The following CTNNA1 variants were observed in gnomAD, a reference collection of about 807,000 sequenced individuals.
CTNNA1 encodes catenin alpha 1.
A neutral mutation model predicts 98.4 loss-of-function variants in CTNNA1; 37 were observed. The ratio of observed to expected loss-of-function variants is 0.38; its 90% CI spans 0.29 to 0.49. CTNNA1 has a LOEUF of 0.49. Ranked by LOEUF, CTNNA1 falls within the 20% of genes least tolerant of loss-of-function variation. The pLI, the probability that CTNNA1 is intolerant of heterozygous loss-of-function variation, is 0.95. For missense variants in CTNNA1, 761 were observed against 1,147.2 expected, an observed-to-expected ratio of 0.66 and a Z score of 4.86; for synonymous variants, 404 against 413.2, an observed-to-expected ratio of 0.98 and a Z score of 0.27.
At chr5:138,804,831 GA>G (rs1383396648) in intron 3 of CTNNA1, among the ~76,000 whole-genome samples, 10 of 152,258 alleles carry the variant, frequency 6.6e-5, no homozygotes, top group Admixed American at 6.5e-4. Flanking sequence ...AAAAGGTGAT[GA>G]AAACTGCAAT....
intron 3 of CTNNA1, among the ~76,000 whole-genome samples, chr5:138,809,115 G>A (rs982293560): frequency 4.6e-5 from 7 of 152,084 alleles, no homozygotes; most frequent in South Asian, 4.1e-4. Context: ...CTCACAAAGC[G>A]CCGAGATTGC....
chr5:138,780,152 A>G (rs1490310765), intron 1 of CTNNA1, among the ~76,000 whole-genome samples: 1 of 152,024 alleles, frequency 6.6e-6, no homozygotes, highest in African/African-American at 2.4e-5. Flanking sequence ...TCTGGGTCAT[A>G]CAAATGTACT....
Position 138,801,580 on chromosome 5 carries a change from C to T in CTNNA1, c.302-8458C>T, listed in dbSNP as rs543063029. Among the ~76,000 whole-genome samples, 5 of 152,254 alleles carry T rather than the reference C, an allele frequency of 3.3e-5. No homozygotes were observed. In the South Asian group the frequency reaches 1.0e-3, roughly 32 times the overall value. On this transcript the variant is annotated intron_variant, in intron 3 of 17. Coordinates refer to ENST00000302763, the MANE Select transcript of CTNNA1 (RefSeq NM_001903.5). The stretch of plus-strand genomic sequence containing the variant: ...ACTTCGCTGCTAGCTTTTAAGTGTA[C>T]AAATAGCTGCATAAATAACCGATGT...
At chr5:138,913,295 T>C (rs751884207) in intron 10 of CTNNA1, among the ~76,000 whole-genome samples, 1 of 152,172 alleles carries the variant, frequency 6.6e-6, no homozygotes, top group Non-Finnish European at 1.5e-5. Context: ...TTAATGAACT[T>C]TTATTCTAAG....
intron 3 of CTNNA1, among the ~76,000 whole-genome samples, chr5:138,804,121 A>G (rs1757847748): frequency 6.6e-6 from 1 of 152,226 alleles, no homozygotes; most frequent in Admixed American, 6.5e-5. Flanking sequence ...GGCATTTTAC[A>G]AGGTATCTTA....
At chr5:138,927,478 C>G (rs75273745) in intron 13 of CTNNA1, among the ~76,000 whole-genome samples, 73 of 151,440 alleles carry the variant, frequency 4.8e-4, no homozygotes, top group Admixed American at 9.2e-4. Context: ...ACCCGCCCCC[C>G]CTTCCCCCTC....
intron 1 of CTNNA1, among the ~76,000 whole-genome samples, chr5:138,771,952 A>G (rs886703857): frequency 2.6e-5 from 4 of 152,208 alleles, no homozygotes; most frequent in Admixed American, 1.3e-4. Context: ...ATTGAGTAGC[A>G]TGGTTAAGGT....
rs552060402 is a variant in CTNNA1, at chr5:138,858,419, G to A, written c.1063-27793G>A. Among the ~76,000 whole-genome samples the A allele has an allele frequency of 8.5e-5, 13 of 152,080 alleles. No homozygotes were observed. In the South Asian group the frequency reaches 2.5e-3, roughly 29 times the overall value. On this transcript the variant is annotated intron_variant, in intron 7 of 17. Transcript: ENST00000302763. ...TAGGATTATAGGTATGAGCTCCTGC[G>A]CCTGTCCCAGTATTTTTAAAGGTAA...
chr5:138,804,207 G>C (rs758234760), intron 3 of CTNNA1, among the ~76,000 whole-genome samples: 4 of 152,230 alleles, frequency 2.6e-5, no homozygotes, highest in Non-Finnish European at 4.4e-5. Flanking sequence ...TGCATAGCTG[G>C]CAAGTGGCAA....
intron 10 of CTNNA1, among the ~76,000 whole-genome samples, chr5:138,907,463 G>C (rs1312759173): frequency 6.6e-6 from 1 of 152,238 alleles, no homozygotes; most frequent in Admixed American, 6.5e-5. Flanking sequence ...CTGGCCTGCT[G>C]TGGCCCGTGT....
intron 3 of CTNNA1, among the ~76,000 whole-genome samples, chr5:138,784,967 G>C (rs879707571): frequency 1.2e-3 from 180 of 152,046 alleles, no homozygotes; most frequent in African/African-American, 4.1e-3. Context: ...CAAAGACCCT[G>C]TTTCCAAATA....
At chr5:138,795,091 A>G (rs1756794505) in intron 3 of CTNNA1, among the ~76,000 whole-genome samples, 1 of 148,764 alleles carries the variant, frequency 6.7e-6, no homozygotes, top group South Asian at 2.1e-4. Context: ...TGAAGCTTGC[A>G]ATAAGCCAAG....
At chr5:138,841,459 C>T (rs187529205) in intron 7 of CTNNA1, among the ~76,000 whole-genome samples, 52 of 152,168 alleles carry the variant, frequency 3.4e-4, no homozygotes, top group African/African-American at 1.1e-3. Flanking sequence ...GGGGTTTCAC[C>T]ATGTTGACCA....
At chr5:138,835,333 A>G (rs1160337892) in intron 7 of CTNNA1, among the ~76,000 whole-genome samples, 3 of 152,194 alleles carry the variant, frequency 2.0e-5, no homozygotes, top group Admixed American at 1.3e-4. Flanking sequence ...AGCTGTTTAA[A>G]TGGGCTCTGT....
At chr5:138,913,864 T>A (rs937454642) in intron 10 of CTNNA1, among the ~76,000 whole-genome samples, 3 of 152,150 alleles carry the variant, frequency 2.0e-5, no homozygotes, top group Non-Finnish European at 2.9e-5. Context: ...ATCTATATAT[T>A]TTTTTAAAGA....
At chr5:138,836,391 A>T (rs1761774947) in intron 7 of CTNNA1, among the ~76,000 whole-genome samples, 2 of 152,216 alleles carry the variant, frequency 1.3e-5, no homozygotes, top group Admixed American at 6.5e-5. Context: ...TCAAAAATTA[A>T]TTTGTGATTT....
intron 5 of CTNNA1, among the ~76,000 whole-genome samples, chr5:138,813,596 A>G (rs182042163): frequency 5.7e-4 from 87 of 152,312 alleles, no homozygotes; most frequent in Admixed American, 3.3e-3. Flanking sequence ...GACTTTTTTC[A>G]TTACAGCAAG....
intron 6 of CTNNA1, 96 bp downstream of exon 6, chr5:138,824,895 T>C (rs897623151): frequency 1.8e-6 from 2 of 1,129,562 alleles, no homozygotes; most frequent in African/African-American, 1.6e-5. Context: ...TGATGATAGC[T>C]CAATTTCCAC....
intron 7 of CTNNA1, among the ~76,000 whole-genome samples, chr5:138,865,436 C>A (rs1294872858): frequency 6.6e-6 from 1 of 152,186 alleles, no homozygotes; most frequent in Non-Finnish European, 1.5e-5. Flanking sequence ...GAGGGACAGT[C>A]CAACGTTGTT....
Sources: gnomAD v4.1 joint callset for allele counts (sites outside exome capture counted in the v4.1 genomes callset) on GRCh38, gnomAD v4.1.1 for gene constraint, MANE v1.5 for transcripts, NCBI Gene and HGNC (gene_info 2026-07-23, HGNC 2026-07-21) for gene names.